Variants in CAST observed in about 807,000 individuals in gnomAD.
CAST encodes the protein calpastatin.
CAST carries 76 observed loss-of-function variants against 119.6 expected under a neutral mutation model. The ratio of observed to expected loss-of-function variants is 0.64; its 90% CI spans 0.53 to 0.77. The LOEUF (loss-of-function observed/expected upper bound fraction) is 0.77, where lower values mean the gene tolerates loss of function less well. CAST is among the 30% of genes least tolerant of loss of function. The probability of loss-of-function intolerance (pLI) is 0.00; values close to 1 mark genes in which losing one functional copy is unlikely to be tolerated. For synonymous variants in CAST, 319 were observed against 331.6 expected (o/e 0.96, Z 0.41); for missense variants, 953 against 946.5 (o/e 1.01, Z -0.09).
At chr5:96,434,902 T>A in the CAST span, among the ~76,000 whole-genome samples, 4 of 152,228 alleles carry the variant, frequency 2.6e-5, no homozygotes, top group Non-Finnish European at 5.9e-5. Context: ...TAATAAGCCA[T>A]GTGACATGGT....
intron 1 of CAST, among the ~76,000 whole-genome samples, chr5:96,652,158 C>G (rs1024845701): frequency 1.3e-5 from 2 of 152,192 alleles, no homozygotes; most frequent in African/African-American, 4.8e-5. Context: ...ACTAGGGCAG[C>G]GTCAGAGGAC....
At chr5:96,490,650 G>A in the CAST span, among the ~76,000 whole-genome samples, 7 of 151,940 alleles carry the variant, frequency 4.6e-5, no homozygotes, top group Admixed American at 2.0e-4. Flanking sequence ...GAGAAGTGGG[G>A]ATTTGTCATC....
the CAST span, among the ~76,000 whole-genome samples, chr5:96,047,764 G>A: frequency 1.3e-5 from 2 of 151,926 alleles, no homozygotes; most frequent in Non-Finnish European, 2.9e-5. Context: ...CAGGGTAGTG[G>A]ACATCAGTAA....
intron 1 of CAST, among the ~76,000 whole-genome samples, chr5:96,641,582 C>A (rs534363143): frequency 6.6e-6 from 1 of 152,178 alleles, no homozygotes; most frequent in Non-Finnish European, 1.5e-5. Flanking sequence ...TAGACCCTTA[C>A]GACCTCACAG....
chr5:96,284,463 T>A, the CAST span, among the ~76,000 whole-genome samples: 16 of 152,210 alleles, frequency 1.1e-4, no homozygotes, highest in South Asian at 4.1e-4. Flanking sequence ...TGAAGTCCCT[T>A]GTTAAGGGTG....
chr5:96,256,976 C>T, the CAST span, among the ~76,000 whole-genome samples: 196 of 152,194 alleles, frequency 1.3e-3, 1 homozygote, highest in Non-Finnish European at 1.9e-3. Context: ...GTCTGCATGA[C>T]GTCGTCTTCT....
At chr5:96,069,359 G>A in the CAST span, among the ~76,000 whole-genome samples, 1 of 64,044 alleles carries the variant, frequency 1.6e-5, no homozygotes, top group African/African-American at 4.5e-5. Context: ...GTATGTATGT[G>A]TGTGTGTGTG....
intron 22 of CAST, among the ~76,000 whole-genome samples, chr5:96,755,746 G>A (rs1204231193): frequency 1.3e-5 from 2 of 152,228 alleles, no homozygotes; most frequent in East Asian, 3.9e-4. Context: ...GTGATTGAAA[G>A]TTTATTATTC....
chr5:96,657,003 T>C (rs1251544025), intron 1 of CAST, among the ~76,000 whole-genome samples: 1 of 124,396 alleles, frequency 8.0e-6, no homozygotes, highest in Non-Finnish European at 1.7e-5. Flanking sequence ...GGCACATTTC[T>C]TTATACAATA....
chr5:96,277,543 A>T, the CAST span, among the ~76,000 whole-genome samples: 1 of 152,158 alleles, frequency 6.6e-6, no homozygotes, highest in Non-Finnish European at 1.5e-5. Flanking sequence ...GCAAATAAGG[A>T]TGACTAAATA....
the CAST span, chr5:96,423,536 G>A: frequency 7.7e-7 from 1 of 1,295,778 alleles, no homozygotes; most frequent in Non-Finnish European, 1.1e-6. Context: ...GTTCCAACCT[G>A]GAGACCCATC....
the CAST span, among the ~76,000 whole-genome samples, chr5:96,352,230 G>A: frequency 3.9e-5 from 6 of 152,190 alleles, no homozygotes; most frequent in Admixed American, 3.9e-4. Flanking sequence ...GTTCTTCAAA[G>A]TGAAATGTGT....
At chr5:95,990,344 C>A in the CAST span, among the ~76,000 whole-genome samples, 3 of 151,934 alleles carry the variant, frequency 2.0e-5, no homozygotes, top group Non-Finnish European at 4.4e-5. Context: ...GGAGTTTAAA[C>A]AATTTGATGA....
the CAST span, among the ~76,000 whole-genome samples, chr5:96,058,597 C>A: frequency 7.3e-6 from 1 of 136,586 alleles, no homozygotes; most frequent in Admixed American, 7.2e-5. Context: ...CTGTAGTTGG[C>A]TAGTAATAGT....
chr5:96,442,494 A>G, the CAST span, among the ~76,000 whole-genome samples: 1 of 152,220 alleles, frequency 6.6e-6, no homozygotes, highest in South Asian at 2.1e-4. Flanking sequence ...TGTTATTACC[A>G]TTTGTTGCTT....
At chr5:96,207,403 C>G in the CAST span, among the ~76,000 whole-genome samples, 1 of 151,960 alleles carries the variant, frequency 6.6e-6, no homozygotes, top group East Asian at 1.9e-4. Context: ...ATACTTCCAG[C>G]TTTTGCCCAT....
chr5:96,391,625 A>G, the CAST span: 1 of 152,192 alleles, frequency 6.6e-6, no homozygotes, highest in Non-Finnish European at 1.5e-5. Context: ...GGGCAAAATC[A>G]AATGCCTATT....
chr5:96,245,639 A>G, the CAST span, among the ~76,000 whole-genome samples: 1,058 of 150,792 alleles, frequency 7.0e-3, 11 homozygotes, highest in African/African-American at 0.025. Flanking sequence ...AAAAAAAAAC[A>G]AATAGTGAGT....
the CAST span, among the ~76,000 whole-genome samples, chr5:96,453,045 A>AACAAATAT: frequency 6.6e-6 from 1 of 151,882 alleles, no homozygotes; most frequent in African/African-American, 2.4e-5. Context: ...TCAGCTAATG[A>AACAAATAT]ACAAATATGA....
Sources: allele counts gnomAD v4.1 joint callset (sites outside exome capture counted in the v4.1 genomes callset), GRCh38; gene constraint gnomAD v4.1.1; transcripts MANE v1.5; gene names NCBI Gene and HGNC (gene_info 2026-07-23, HGNC 2026-07-21).